Variants in ITPR1 observed in about 807,000 individuals in gnomAD.
The protein encoded by ITPR1 is inositol 1,4,5-trisphosphate-gated calcium channel ITPR1.
Under a neutral mutation model 318.4 loss-of-function variants are expected in ITPR1, and 96 were observed. That is an observed-to-expected ratio of 0.30 (90% CI 0.26 to 0.36). The LOEUF (loss-of-function observed/expected upper bound fraction) is 0.36, where lower values mean the gene tolerates loss of function less well. Among genes scored for constraint, ITPR1 ranks in the 10% least tolerant of loss-of-function variants. ITPR1 has a pLI of 1.00. For synonymous variants in ITPR1, 1,312 were observed against 1,289.9 expected (o/e 1.02, Z -0.37); for missense variants, 2,440 against 3,460.2 (o/e 0.71, Z 7.40).
chr3:4,652,359 C>T, intron 11 of ITPR1, 141 bp downstream of exon 11: 1 of 660,214 alleles, frequency 1.5e-6, no homozygotes, highest in South Asian at 1.9e-5. Flanking sequence ...TTTTCTGTTT[C>T]CTTCTGATTC....
chr3:4,777,233 T>C (rs2046539736), intron 47 of ITPR1, 31 bp from the exon 48 acceptor site: 1 of 1,334,638 alleles, frequency 7.5e-7, no homozygotes, highest in Non-Finnish European at 1.1e-6. Flanking sequence ...GACCAGCGTT[T>C]GTGTGAATGT....
chr3:4,788,333 C>T (rs2047335630), intron 52 of ITPR1, among the ~76,000 whole-genome samples, 194 bp downstream of exon 52: 1 of 152,174 alleles, frequency 6.6e-6, no homozygotes, highest in Non-Finnish European at 1.5e-5. Context: ...TATGATAACT[C>T]CCCTGAAAAG....
intron 55 of ITPR1, among the ~76,000 whole-genome samples, chr3:4,807,200 C>T (rs2048632461): frequency 6.7e-6 from 1 of 149,824 alleles, no homozygotes; most frequent in African/African-American, 2.5e-5. Context: ...AAAGGCAGAG[C>T]AAGGGAAGCT....
Position 4,693,548 on chromosome 3 carries a change from C to G in ITPR1, c.4088C>G (p.Thr1363Ser). The change falls in exon 33 of 62, where the codon ACT becomes AGT. Residue 1363 changes from threonine to serine, a missense_variant. Thr to Ser is a moderately conservative substitution (Grantham distance 58). This residue lies in a region of ITPR1 where 222 missense variants were observed against 318.8 expected (regional missense o/e 0.70). Coordinates refer to ENST00000649015, the MANE Select transcript of ITPR1 (RefSeq NM_001378452.1). ...TACAACGACAGAGCCTCTTTCCAGA[C>G]TCTGATCCAGATGATGCGGTCAGAA... ...VFYNDRASFQ[T>S]LIQMMRSERD... 6.2e-7 allele frequency: 1 copy of G among 1,614,030 alleles called. No homozygotes were observed. The highest frequency in any genetic ancestry group is 8.5e-7 in the Non-Finnish European group (1 of 1,179,886).
chr3:4,773,729 G>C (rs1366890751), intron 46 of ITPR1, among the ~76,000 whole-genome samples: 2 of 152,190 alleles, frequency 1.3e-5, no homozygotes, highest in Admixed American at 1.3e-4. Flanking sequence ...CTTCCCTGAG[G>C]AGCTGGAGCA....
intron 60 of ITPR1, among the ~76,000 whole-genome samples, chr3:4,825,355 C>G (rs545457946): frequency 6.6e-6 from 1 of 152,268 alleles, no homozygotes; most frequent in East Asian, 1.9e-4. Flanking sequence ...GGGATGCTCT[C>G]AGGAGGTGGT....
rs9822947 is a variant in ITPR1 at position 4,626,230 on chromosome 3, T to G, written c.164-1533T>G. On this transcript the variant is annotated intron_variant, in intron 4 of 61. Coordinates refer to ENST00000649015, the MANE Select transcript of ITPR1 (RefSeq NM_001378452.1). ...TGTGTATTTTTAAAAGTTACAAACG[T>G]GTATTATTGTAGTAACACATTGTAG... Among the ~76,000 whole-genome samples the G allele has an allele frequency of 3.3e-3, 498 of 152,154 alleles. 4 individuals are homozygous for G. The highest frequency in any genetic ancestry group is 0.012 in the African/African-American group (479 of 41,476).
intron 10 of ITPR1, among the ~76,000 whole-genome samples, chr3:4,646,826 A>T (rs1344392059): frequency 6.6e-6 from 1 of 152,096 alleles, no homozygotes; most frequent in South Asian, 2.1e-4. Context: ...TAGAATTCTA[A>T]TTCAAATTTC....
Position 4,696,470 on chromosome 3 carries a change from C to T in ITPR1, c.4282-677C>T, listed in dbSNP as rs532785380. On this transcript the variant is annotated intron_variant, in intron 33 of 61. Coordinates refer to ENST00000649015, the MANE Select transcript of ITPR1 (RefSeq NM_001378452.1). ...TTCCTTTATGTTGCTGAGTAATTTTCTATTCTATACATACACCACGTTTTG... is the reference window on the plus strand; with the variant it reads ...TTCCTTTATGTTGCTGAGTAATTTTTTATTCTATACATACACCACGTTTTG... Among the ~76,000 whole-genome samples, 8 of 152,314 alleles carry T rather than the reference C, an allele frequency of 5.3e-5. No homozygotes were observed. The East Asian group carries it at 1.5e-3, about 29-fold the overall frequency.
At chr3:4,524,742 C>T (rs1053081969) in intron 4 of ITPR1, among the ~76,000 whole-genome samples, 2 of 152,168 alleles carry the variant, frequency 1.3e-5, no homozygotes, top group Admixed American at 6.5e-5. Context: ...TTTGTGAGCT[C>T]CTGAGATCTG....
chr3:4,514,299 A>C (rs1553606186), intron 2 of ITPR1, among the ~76,000 whole-genome samples: 1 of 152,230 alleles, frequency 6.6e-6, no homozygotes, highest in Non-Finnish European at 1.5e-5. Flanking sequence ...GGTGGGCATG[A>C]GAAATCCTTG....
At chr3:4,717,607 C>G (rs1405847368) in intron 40 of ITPR1, among the ~76,000 whole-genome samples, 1 of 152,130 alleles carries the variant, frequency 6.6e-6, no homozygotes, top group African/African-American at 2.4e-5. Flanking sequence ...GAGATCTCAT[C>G]TGAGTCTAGA....
intron 4 of ITPR1, among the ~76,000 whole-genome samples, chr3:4,557,139 C>T (rs761501689): frequency 2.0e-5 from 3 of 152,122 alleles, no homozygotes; most frequent in Non-Finnish European, 2.9e-5. Context: ...CTAATAAAGA[C>T]ATACCCGAGA....
intron 44 of ITPR1, among the ~76,000 whole-genome samples, chr3:4,739,121 C>A (rs1347330443): frequency 6.6e-6 from 1 of 152,210 alleles, no homozygotes; most frequent in Non-Finnish European, 1.5e-5. Flanking sequence ...AGGACAGGAA[C>A]CTTGAAGCCC....
At chr3:4,532,251 G>A (rs889471999) in intron 4 of ITPR1, among the ~76,000 whole-genome samples, 1 of 152,176 alleles carries the variant, frequency 6.6e-6, no homozygotes, top group Non-Finnish European at 1.5e-5. Flanking sequence ...GACCTCTAAG[G>A]CATTGCTTCT....
At chr3:4,622,608 G>C (rs2092684692) in intron 4 of ITPR1, among the ~76,000 whole-genome samples, 2 of 151,878 alleles carry the variant, frequency 1.3e-5, no homozygotes, top group South Asian at 4.2e-4. Context: ...ATTTTTAGTA[G>C]ACACGGGGTT....
intron 4 of ITPR1, among the ~76,000 whole-genome samples, chr3:4,594,370 C>A (rs1406532109): frequency 6.6e-6 from 1 of 152,144 alleles, no homozygotes; most frequent in Non-Finnish European, 1.5e-5. Context: ...ACAGGTTTAT[C>A]CTGGGAGCAC....
chr3:4,545,934 C>G (rs148902980), intron 4 of ITPR1, among the ~76,000 whole-genome samples: 7 of 152,050 alleles, frequency 4.6e-5, no homozygotes, highest in East Asian at 3.9e-4. Context: ...TGAGCTCAAG[C>G]GATCCTCCTG....
rs758255102 is a variant in ITPR1 at position 4,779,673 on chromosome 3, G to C, written c.6387+28G>C. 4.8e-6 allele frequency: 7 copies of C among 1,457,654 alleles called. No homozygotes were observed. Among genetic ancestry groups the C allele is most frequent in the Non-Finnish European group, 5.8e-6 (6 of 1,039,062 alleles). 90.3% of individuals were successfully genotyped at this position (1,457,654 alleles called of 1,614,324 possible). On this transcript the variant is annotated intron_variant, in intron 49 of 61. Coordinates refer to ENST00000649015, the MANE Select transcript of ITPR1 (RefSeq NM_001378452.1). This position sits in a 1 kb window ranked among gnomAD's most constrained non-coding sequence, Gnocchi z 4.0. Reference sequence around the variant, plus strand: ...GAGTCGGGTGACGGATCTGATGGTAGCACCAAGGAGCATTGCGACGATATT... The same window carrying C: ...GAGTCGGGTGACGGATCTGATGGTACCACCAAGGAGCATTGCGACGATATT...
Sources: gnomAD v4.1 joint callset for allele counts (sites outside exome capture counted in the v4.1 genomes callset) on GRCh38, gnomAD v4.1.1 for gene constraint, gnomAD v4.1.1 regional missense constraint, Gnocchi (gnomAD v3.1) non-coding constraint, MANE v1.5 for transcripts, NCBI Gene and HGNC (gene_info 2026-07-23, HGNC 2026-07-21) for gene names.